Variants in TOX observed in about 807,000 individuals in gnomAD.
TOX encodes thymocyte selection associated high mobility group box.
In TOX, 11 loss-of-function variants were observed where a neutral mutation model predicts 53.7. The observed-to-expected ratio is 0.20, with a 90% CI of 0.13 to 0.34. TOX has a LOEUF of 0.34. Ranked by LOEUF, TOX falls within the 10% of genes least tolerant of loss-of-function variation. TOX has a pLI of 1.00. For synonymous variants in TOX, 225 were observed against 245.3 expected (o/e 0.92, Z 0.77); for missense variants, 570 against 664.6 (o/e 0.86, Z 1.56).
intron 3 of TOX, among the ~76,000 whole-genome samples, chr8:58,910,996 T>G (rs1811900275): frequency 6.6e-6 from 1 of 152,252 alleles, no homozygotes; most frequent in African/African-American, 2.4e-5. Context: ...AGGCATTTAA[T>G]TTAAATATAG....
intron 4 of TOX, among the ~76,000 whole-genome samples, chr8:58,846,745 T>C (rs1253794363): frequency 6.6e-6 from 1 of 152,082 alleles, no homozygotes; most frequent in African/African-American, 2.4e-5. Flanking sequence ...TTGTTGAACC[T>C]CGTGTGAATT....
intron 1 of TOX, among the ~76,000 whole-genome samples, chr8:59,020,394 G>T (rs1814100243): frequency 6.6e-6 from 1 of 152,140 alleles, no homozygotes; most frequent in African/African-American, 2.4e-5. Context: ...ACTCTTTGCT[G>T]AGAATGCTTT....
At chr8:58,985,434 A>C (rs1813309957) in intron 1 of TOX, among the ~76,000 whole-genome samples, 1 of 152,208 alleles carries the variant, frequency 6.6e-6, no homozygotes, top group African/African-American at 2.4e-5. Context: ...CACTTGCATG[A>C]GGCACCTAGA....
chr8:58,867,255 A>G (rs1811118554), intron 3 of TOX, among the ~76,000 whole-genome samples: 1 of 152,204 alleles, frequency 6.6e-6, no homozygotes, highest in East Asian at 1.9e-4. Flanking sequence ...TTAGTTAAAG[A>G]CTAAAATCAC....
At chr8:58,884,054 A>C (rs1811429585) in intron 3 of TOX, among the ~76,000 whole-genome samples, 1 of 152,170 alleles carries the variant, frequency 6.6e-6, no homozygotes, top group Admixed American at 6.5e-5. Context: ...TATTTTCGTC[A>C]AACCACCAGG....
intron 7 of TOX, among the ~76,000 whole-genome samples, chr8:58,810,700 A>G (rs1402793831): frequency 6.6e-6 from 1 of 152,172 alleles, no homozygotes; most frequent in African/African-American, 2.4e-5. Context: ...CTAAAAGGAA[A>G]AAAGTCTCAA....
At chr8:58,957,230 A>C (rs1812724676) in intron 2 of TOX, among the ~76,000 whole-genome samples, 1 of 152,238 alleles carries the variant, frequency 6.6e-6, no homozygotes, top group Admixed American at 6.5e-5. Context: ...CCACAGTAAG[A>C]AAAAAGTTAA....
intron 3 of TOX, among the ~76,000 whole-genome samples, chr8:58,865,035 A>G (rs574877748): frequency 7.7e-4 from 118 of 152,288 alleles, no homozygotes; most frequent in African/African-American, 2.5e-3. Flanking sequence ...TTTTAGATGA[A>G]GACAACTTTT....
At chr8:59,093,521 C>T (rs1170890932) in intron 1 of TOX, among the ~76,000 whole-genome samples, 1 of 152,184 alleles carries the variant, frequency 6.6e-6, no homozygotes, top group Non-Finnish European at 1.5e-5. Flanking sequence ...GTTGTTTCTT[C>T]AACAAATATT....
intron 2 of TOX, among the ~76,000 whole-genome samples, chr8:58,942,599 A>C (rs1328029367): frequency 6.6e-6 from 1 of 152,216 alleles, no homozygotes; most frequent in Non-Finnish European, 1.5e-5. Context: ...GTTCAATGCC[A>C]GGCTAATTAC....
chr8:59,030,182 C>G (rs1252014110), intron 1 of TOX, among the ~76,000 whole-genome samples: 2 of 152,170 alleles, frequency 1.3e-5, no homozygotes, highest in Non-Finnish European at 2.9e-5. Flanking sequence ...TTTCTCTAAA[C>G]TGTCTATTGT....
At chr8:59,059,468 G>A (rs991929416) in intron 1 of TOX, among the ~76,000 whole-genome samples, 1 of 151,956 alleles carries the variant, frequency 6.6e-6, no homozygotes, top group South Asian at 2.1e-4. Flanking sequence ...GATACAGAAT[G>A]GAAAAGGAAG....
chr8:59,108,838 A>G (rs1804961041), intron 1 of TOX, among the ~76,000 whole-genome samples: 1 of 151,988 alleles, frequency 6.6e-6, no homozygotes, highest in Non-Finnish European at 1.5e-5. Flanking sequence ...TATGAAGAGA[A>G]CTACACCAAC....
chr8:58,994,426 G>GCA (rs1563412063), intron 1 of TOX, among the ~76,000 whole-genome samples: 6 of 151,494 alleles, frequency 4.0e-5, no homozygotes, highest in African/African-American at 1.2e-4. Flanking sequence ...GTGTGCGCGC[G>GCA]CGCATGTGTG....
intron 3 of TOX, among the ~76,000 whole-genome samples, chr8:58,879,993 T>C (rs1279494956): frequency 1.3e-5 from 2 of 152,234 alleles, no homozygotes; most frequent in East Asian, 3.8e-4. Flanking sequence ...CTTTACTGTC[T>C]TTTTAAAATG....
intron 1 of TOX, among the ~76,000 whole-genome samples, chr8:59,075,821 C>T (rs2129422871): frequency 6.6e-6 from 1 of 152,072 alleles, no homozygotes; most frequent in Admixed American, 6.5e-5. Flanking sequence ...AGGTCAGGAA[C>T]ATGAAGAAAC....
intron 1 of TOX, among the ~76,000 whole-genome samples, chr8:59,109,302 T>C (rs752551244): frequency 2.6e-5 from 4 of 152,284 alleles, no homozygotes; most frequent in Non-Finnish European, 5.9e-5. Flanking sequence ...AACATGTTTA[T>C]GGGAGAAGAT....
intron 1 of TOX, among the ~76,000 whole-genome samples, chr8:59,062,722 T>C (rs995155463): frequency 1.3e-5 from 2 of 152,290 alleles, no homozygotes; most frequent in Admixed American, 1.3e-4. Context: ...AAGCCACCTG[T>C]ATGCCTTTTG....
intron 3 of TOX, among the ~76,000 whole-genome samples, chr8:58,929,307 T>C (rs1488305654): frequency 6.6e-6 from 1 of 152,168 alleles, no homozygotes; most frequent in East Asian, 1.9e-4. Context: ...TCTAGTATTT[T>C]AATGACTGTA....
Sources: allele counts gnomAD v4.1 joint callset (sites outside exome capture counted in the v4.1 genomes callset), GRCh38; gene constraint gnomAD v4.1.1; transcripts MANE v1.5; gene names NCBI Gene and HGNC (gene_info 2026-07-23, HGNC 2026-07-21).